The following CRACR2A variants were observed in gnomAD, a reference collection of about 807,000 sequenced individuals.
CRACR2A encodes the protein EF-hand calcium-binding domain-containing protein 4B.
Under a neutral mutation model 90.5 loss-of-function variants are expected in CRACR2A, and 79 were observed. That is an observed-to-expected ratio of 0.87 (90% CI 0.73 to 1.05). The LOEUF is 1.05. CRACR2A is among the 50% of genes least tolerant of loss of function. The probability of loss-of-function intolerance (pLI) is 0.00; values close to 1 mark genes in which losing one functional copy is unlikely to be tolerated. For missense variants in CRACR2A, 823 were observed against 897.2 expected, an observed-to-expected ratio of 0.92 and a Z score of 1.06; for synonymous variants, 338 against 356.7, an observed-to-expected ratio of 0.95 and a Z score of 0.59.
At chr12:3,620,518 C>A (rs1340104675) in intron 17 of CRACR2A, among the ~76,000 whole-genome samples, 1 of 152,172 alleles carries the variant, frequency 6.6e-6, no homozygotes, top group Non-Finnish European at 1.5e-5. Flanking sequence ...TTTCCTTAAT[C>A]TGTGCATTCG....
At chr12:3,718,580 GA>G (rs1946112524) in intron 2 of CRACR2A, among the ~76,000 whole-genome samples, 1 of 152,222 alleles carries the variant, frequency 6.6e-6, no homozygotes, top group Admixed American at 6.5e-5. Context: ...GAGTTCAAAA[GA>G]AAGGAATGTA....
chr12:3,666,394 CAT>C (rs1333249356), intron 7 of CRACR2A, among the ~76,000 whole-genome samples: 1 of 151,724 alleles, frequency 6.6e-6, no homozygotes, highest in Non-Finnish European at 1.5e-5. Context: ...CGCACACGCT[CAT>C]GTGTACATCT....
At chr12:3,647,889 C>T in intron 11 of CRACR2A, 1 of 985,464 alleles carries the variant, frequency 1.0e-6, no homozygotes, top group South Asian at 4.7e-5. Context: ...AAAATTCCAT[C>T]TTTCCCCACA....
chr12:3,690,291 C>G (rs1446729081), intron 4 of CRACR2A, among the ~76,000 whole-genome samples: 1 of 152,128 alleles, frequency 6.6e-6, no homozygotes, highest in Non-Finnish European at 1.5e-5. Context: ...TTAATGTGAG[C>G]ATTTAGTGCT....
intron 2 of CRACR2A, among the ~76,000 whole-genome samples, chr12:3,722,853 A>G (rs977467627): frequency 2.0e-5 from 3 of 152,206 alleles, no homozygotes; most frequent in African/African-American, 7.2e-5. Context: ...TAGCCTAAAC[A>G]AAAACAGAAT....
At chr12:3,675,571 T>A (rs1945321832) in intron 6 of CRACR2A, among the ~76,000 whole-genome samples, 1 of 152,220 alleles carries the variant, frequency 6.6e-6, no homozygotes, top group African/African-American at 2.4e-5. Flanking sequence ...AATAAATGTT[T>A]ATACTATTAT....
chr12:3,702,580 C>G (rs1450827461), intron 3 of CRACR2A, among the ~76,000 whole-genome samples: 1 of 152,158 alleles, frequency 6.6e-6, no homozygotes, highest in East Asian at 1.9e-4. Context: ...ATATATCTGA[C>G]AAAGGATGTC....
intron 2 of CRACR2A, chr12:3,729,881 T>C (rs1946332994): frequency 6.6e-6 from 1 of 152,244 alleles, no homozygotes; most frequent in East Asian, 1.9e-4. Flanking sequence ...GTGCTACCAC[T>C]GCCTTGGGGG....
At chr12:3,671,069 C>G (rs1226601250) in intron 7 of CRACR2A, among the ~76,000 whole-genome samples, 1 of 152,162 alleles carries the variant, frequency 6.6e-6, no homozygotes, top group Non-Finnish European at 1.5e-5. Flanking sequence ...TAAATGAGGA[C>G]AAACCACTAA....
intron 15 of CRACR2A, among the ~76,000 whole-genome samples, chr12:3,630,563 G>A (rs529836814): frequency 6.6e-6 from 1 of 152,332 alleles, no homozygotes; most frequent in Non-Finnish European, 1.5e-5. Flanking sequence ...ACACAGGGAG[G>A]TTGTGAACCA....
At chr12:3,642,367 A>G (rs1181626431) in intron 12 of CRACR2A, among the ~76,000 whole-genome samples, 3 of 152,026 alleles carry the variant, frequency 2.0e-5, no homozygotes, top group Admixed American at 2.0e-4. Flanking sequence ...TAGGCGCCCT[A>G]CCATGCCTGG....
Position 3,633,569 on chromosome 12 carries a change from T to C in CRACR2A, c.1735+35A>G. 2 of 1,549,890 alleles carry C rather than the reference T, an allele frequency of 1.3e-6. No individual in the cohort carries two copies. The highest frequency in any genetic ancestry group is 1.4e-5 in the African/African-American group (1 of 73,054). On this transcript the variant is annotated intron_variant, in intron 15 of 19. Coordinates refer to ENST00000440314, the MANE Select transcript of CRACR2A (RefSeq NM_001144958.2). The surrounding 1 kb of genome is among the most constrained non-coding windows in gnomAD (Gnocchi z 4.5). ...TTCTCACAAACTCCCTTCCCAAAGA[T>C]GGGCCTAGGACCCACCTCAGGGATG...
chr12:3,627,569 G>A lies in CRACR2A; in HGVS notation c.1818-19C>T, dbSNP rs780980196. The stretch of plus-strand genomic sequence containing the variant: ...CCGGTACCTGCCACAGAAGGGCCAC[G>A]GGTCAGGCATGCACGGCCTTCCCTC... On this transcript the variant is annotated intron_variant, in intron 16 of 19. Transcript: ENST00000440314. 33 of 1,551,356 alleles carry A rather than the reference G, an allele frequency of 2.1e-5. No homozygotes were observed. The South Asian group carries it at 3.2e-4, about 15-fold the overall frequency.
At position 3,746,393 on chromosome 12, in the gene CRACR2A, T is replaced by C. The variant is rs1231718482; in HGVS notation, c.-387+6622A>G. Among the ~76,000 whole-genome samples, 6 of 151,336 alleles carry C rather than the reference T, an allele frequency of 4.0e-5. No homozygotes were observed. Among genetic ancestry groups the C allele is most frequent in the Non-Finnish European group, 7.4e-5 (5 of 67,840 alleles). On this transcript the variant is annotated intron_variant, in intron 1 of 19. Transcript: ENST00000440314. This position sits in a 1 kb window ranked among gnomAD's most constrained non-coding sequence, Gnocchi z 4.4. ...TCTCTCCCCATCTCTCTCTCCTCCC[T>C]CTTCCCCACCCTTCCTCCACCCTCC...
chr12:3,749,445 T>C (rs1565512974), intron 1 of CRACR2A, among the ~76,000 whole-genome samples: 1 of 152,224 alleles, frequency 6.6e-6, no homozygotes. Context: ...CCAAAGTAGG[T>C]TCTGCCCATG....
At chr12:3,666,293 CTG>C (rs1298359978) in intron 7 of CRACR2A, among the ~76,000 whole-genome samples, 1 of 151,570 alleles carries the variant, frequency 6.6e-6, no homozygotes, top group Non-Finnish European at 1.5e-5. Flanking sequence ...CCCAAGATAT[CTG>C]GTTCTGGCAA....
At chr12:3,615,874 G>A (rs1867669842) in intron 19 of CRACR2A, among the ~76,000 whole-genome samples, 1 of 152,218 alleles carries the variant, frequency 6.6e-6, no homozygotes. Flanking sequence ...CAGCACACAG[G>A]TGAGGCTCCA....
Position 3,654,320 on chromosome 12 carries a change from T to C in CRACR2A, c.938A>G (p.Gln313Arg), listed in dbSNP as rs750392109. Residue 313 changes from glutamine (Q) to arginine (R), a missense_variant, in exon 10 of 20, where the codon CAG becomes CGG. Transcript: ENST00000440314. ...CCGCTCCAGCTCCCGGGCCAGCTCC[T>C]GGTTAGTGAGTTTCAGCTTGGTATT... ...AENTKLKLTN[Q>R]ELARELERTS... is the part of the protein sequence containing the mutation. 5.0e-6 allele frequency: 8 copies of C among 1,613,962 alleles called. No individual in the cohort carries two copies. The highest frequency in any genetic ancestry group is 6.8e-6 in the Non-Finnish European group (8 of 1,179,996).
chr12:3,619,013 C>A lies in CRACR2A; in HGVS notation c.2034+258G>T, dbSNP rs1307935122. On this transcript the variant is annotated intron_variant, in intron 18 of 19. Coordinates refer to ENST00000440314, the MANE Select transcript of CRACR2A (RefSeq NM_001144958.2). ...TCTTAGAATGTATACTTCTGAGTTACAAGGAAGGGACTTTAGGATAATTCC... is the reference window on the plus strand; with the variant it reads ...TCTTAGAATGTATACTTCTGAGTTAAAAGGAAGGGACTTTAGGATAATTCC... 4.6e-5 allele frequency among the ~76,000 whole-genome samples: 7 copies of A among 152,178 alleles called. No homozygotes were observed. The South Asian group carries it at 8.3e-4, about 18-fold the overall frequency.
Sources: allele counts gnomAD v4.1 joint callset (sites outside exome capture counted in the v4.1 genomes callset), GRCh38; gene constraint gnomAD v4.1.1; non-coding constraint Gnocchi (gnomAD v3.1); transcripts MANE v1.5; gene names NCBI Gene and HGNC (gene_info 2026-07-23, HGNC 2026-07-21).